The following TAF3 variants were observed in gnomAD, a reference collection of about 807,000 sequenced individuals.
TAF3 encodes the protein transcription initiation factor TFIID subunit 3.
In TAF3, 7 loss-of-function variants were observed where a neutral mutation model predicts 80.6. The observed-to-expected ratio is 0.09, with a 90% CI of 0.05 to 0.16. The LOEUF (loss-of-function observed/expected upper bound fraction) is 0.16, where lower values mean the gene tolerates loss of function less well. Among genes scored for constraint, TAF3 ranks in the 10% least tolerant of loss-of-function variants. TAF3 has a pLI of 1.00. For missense variants in TAF3, 921 were observed against 1,140.2 expected (o/e 0.81, Z 2.77); for synonymous variants, 444 against 446.1 (o/e 1.00, Z 0.06).
intron 1 of TAF3, among the ~76,000 whole-genome samples, chr10:7,820,496 A>G (rs755812574): frequency 7.2e-5 from 11 of 152,200 alleles, no homozygotes; most frequent in Non-Finnish European, 1.2e-4. Context: ...TGATACTTCT[A>G]TTACTCTTCT....
At position 7,923,249 on chromosome 10, in the gene TAF3, A is replaced by G. The variant is rs143202804; in HGVS notation, c.410-40671A>G. On this transcript the variant is annotated intron_variant, in intron 2 of 6. Transcript: ENST00000344293. Reference sequence around the variant, plus strand: ...CATTCAACTTAGTGTTTAAAAAAATATTTTTTAAAAAATAGAGTAGTGGTA... The same window carrying G: ...CATTCAACTTAGTGTTTAAAAAAATGTTTTTTAAAAAATAGAGTAGTGGTA... Among the ~76,000 whole-genome samples, 15 of 152,156 alleles carry G rather than the reference A, an allele frequency of 9.9e-5. No homozygotes were observed. In the East Asian group the frequency reaches 2.7e-3, roughly 27 times the overall value.
At chr10:7,927,036 G>T (rs1009367920) in intron 2 of TAF3, among the ~76,000 whole-genome samples, 2 of 152,074 alleles carry the variant, frequency 1.3e-5, no homozygotes, top group African/African-American at 4.8e-5. Context: ...CACAGAAAAC[G>T]ATAAGATCAT....
At chr10:7,890,533 A>T (rs769793487) in intron 2 of TAF3, among the ~76,000 whole-genome samples, 2 of 152,240 alleles carry the variant, frequency 1.3e-5, no homozygotes, top group Non-Finnish European at 2.9e-5. Context: ...TTGTTTTAAG[A>T]TGTATAAATA....
At chr10:7,940,842 C>T (rs1837969242) in intron 2 of TAF3, among the ~76,000 whole-genome samples, 1 of 151,604 alleles carries the variant, frequency 6.6e-6, no homozygotes, top group African/African-American at 2.4e-5. Context: ...CATGGCTGTT[C>T]CAGCTACTTG....
intron 2 of TAF3, among the ~76,000 whole-genome samples, chr10:7,939,544 G>T (rs1837956742): frequency 6.7e-6 from 1 of 149,176 alleles, no homozygotes; most frequent in Non-Finnish European, 1.5e-5. Flanking sequence ...TGAAACCTCA[G>T]AAATAGAGAC....
chr10:7,922,833 T>A (rs371732698), intron 2 of TAF3, among the ~76,000 whole-genome samples: 1 of 152,094 alleles, frequency 6.6e-6, no homozygotes, highest in Non-Finnish European at 1.5e-5. Flanking sequence ...TCATTTTATC[T>A]CAGCCTTATC....
At chr10:7,898,415 G>GGGT (rs966608400) in intron 2 of TAF3, among the ~76,000 whole-genome samples, 54 of 152,108 alleles carry the variant, frequency 3.6e-4, no homozygotes, top group Non-Finnish European at 6.5e-4. Context: ...GCATGATGGC[G>GGGT]GGTGCCTGTA....
intron 2 of TAF3, among the ~76,000 whole-genome samples, chr10:7,844,994 C>T (rs1433438226): frequency 2.0e-5 from 3 of 151,880 alleles, no homozygotes; most frequent in Admixed American, 6.6e-5. Context: ...TGATAAATTC[C>T]CAGGGTAGAA....
chr10:7,871,330 A>G (rs1837262901), intron 2 of TAF3, among the ~76,000 whole-genome samples: 1 of 151,906 alleles, frequency 6.6e-6, no homozygotes, highest in Non-Finnish European at 1.5e-5. Flanking sequence ...AAAACCAGAT[A>G]TTCTTACAGA....
chr10:7,937,050 G>A (rs994108739), intron 2 of TAF3, among the ~76,000 whole-genome samples: 8 of 152,002 alleles, frequency 5.3e-5, no homozygotes, highest in Non-Finnish European at 7.3e-5. Context: ...ATAATATTCC[G>A]TTGTCTGAAT....
chr10:7,959,495 A>G (rs1838169149), intron 2 of TAF3, among the ~76,000 whole-genome samples: 1 of 152,238 alleles, frequency 6.6e-6, no homozygotes, highest in Non-Finnish European at 1.5e-5. Context: ...CTTGAAAAAC[A>G]AAAGTGAAAA....
chr10:8,009,451 T>C lies in TAF3; in HGVS notation c.2568+121T>C. ...CTTCAAAATTTTATTATTTACTTAA[T>C]TATTTTTGAGACAGGGTCTCCCTGT... On this transcript the variant is annotated intron_variant, in intron 5 of 6. Coordinates refer to ENST00000344293, the MANE Select transcript of TAF3 (RefSeq NM_031923.4). This position sits in a 1 kb window ranked among gnomAD's most constrained non-coding sequence, Gnocchi z 4.1. The C allele has an allele frequency of 7.4e-7, 1 of 1,349,418 alleles. No individual in the cohort carries two copies. Among genetic ancestry groups the C allele is most frequent in the Non-Finnish European group, 9.7e-7 (1 of 1,030,332 alleles). The allele number at this position is 1,349,418 out of a possible 1,614,324, so 83.6% of individuals were successfully genotyped here.
chr10:7,844,429 T>G (rs1836949261), intron 2 of TAF3, among the ~76,000 whole-genome samples: 1 of 148,094 alleles, frequency 6.8e-6, no homozygotes, highest in Non-Finnish European at 1.5e-5. Context: ...CAGGCTGGAG[T>G]GCAGTGGCGC....
intron 2 of TAF3, among the ~76,000 whole-genome samples, chr10:7,962,386 A>G (rs1246738100): frequency 2.0e-5 from 3 of 152,132 alleles, no homozygotes; most frequent in African/African-American, 7.2e-5. Context: ...TGTTCCTGCC[A>G]GTGTGACTTT....
intron 4 of TAF3, among the ~76,000 whole-genome samples, chr10:7,991,313 T>G (rs1354508887): frequency 6.6e-6 from 1 of 152,170 alleles, no homozygotes; most frequent in African/African-American, 2.4e-5. Flanking sequence ...TTCATAAAAA[T>G]TATTTAAATT....
In TAF3 at chr10:7,918,305, G is replaced by T. The variant is rs1837731372; in HGVS notation, c.410-45615G>T. 2.0e-5 allele frequency among the ~76,000 whole-genome samples: 3 copies of T among 152,116 alleles called. No individual in the cohort carries two copies. The East Asian group carries it at 5.8e-4, about 29-fold the overall frequency. ...AGAGAGAATGATCCAGGGAAGAGGT[G>T]GGATTGCCAGGCAGTGCTGTGGGCC... On this transcript the variant is annotated intron_variant, in intron 2 of 6. Coordinates refer to ENST00000344293, the MANE Select transcript of TAF3 (RefSeq NM_031923.4).
intron 3 of TAF3, chr10:7,975,070 CAAAAAAAAAAAAAAA>C (rs35755700): frequency 1.1e-5 from 2 of 175,910 alleles, no homozygotes; most frequent in Non-Finnish European, 1.1e-5. Context: ...GACTCTGTCT[CAAAAAAAAAAAAAAA>C]AAAAAAAGAG....
chr10:7,843,011 C>T (rs777122223), intron 2 of TAF3, among the ~76,000 whole-genome samples: 20 of 152,214 alleles, frequency 1.3e-4, no homozygotes, highest in Non-Finnish European at 2.4e-4. Flanking sequence ...TGCTTTGCAC[C>T]TGCTAGGGCG....
At chr10:7,908,105 C>T (rs1015172640) in intron 2 of TAF3, among the ~76,000 whole-genome samples, 1 of 152,226 alleles carries the variant, frequency 6.6e-6, no homozygotes, top group African/African-American at 2.4e-5. Flanking sequence ...AACCTGCTTT[C>T]ATTCCACTGC....
Sources: gnomAD v4.1 joint callset for allele counts (sites outside exome capture counted in the v4.1 genomes callset) on GRCh38, gnomAD v4.1.1 for gene constraint, Gnocchi (gnomAD v3.1) non-coding constraint, MANE v1.5 for transcripts, NCBI Gene and HGNC (gene_info 2026-07-23, HGNC 2026-07-21) for gene names.